PLCL1: variants seen among roughly 807,000 people sequenced by gnomAD.
PLCL1 encodes the protein inactive phospholipase C-like protein 1.
Under a neutral mutation model 84.4 loss-of-function variants are expected in PLCL1, and 41 were observed. The observed-to-expected ratio is 0.49, with a 90% confidence interval of 0.38 to 0.63. The LOEUF is 0.63. Ranked by LOEUF, PLCL1 falls within the 30% of genes least tolerant of loss-of-function variation. The pLI, the probability that PLCL1 is intolerant of heterozygous loss-of-function variation, is 0.00. For synonymous variants in PLCL1, 490 were observed against 488.3 expected, an observed-to-expected ratio of 1.00 and a Z score of -0.05; for missense variants, 1,206 against 1,367.8, an observed-to-expected ratio of 0.88 and a Z score of 1.87.
intron 2 of PLCL1, 53 bp from the exon 3 acceptor site, chr2:198,088,805 G>A (rs1692947464): frequency 2.6e-5 from 26 of 1,001,376 alleles, no homozygotes; most frequent in Non-Finnish European, 4.2e-5. Flanking sequence ...GGGAGTGCTG[G>A]CGGTGATGTG....
intron 1 of PLCL1, among the ~76,000 whole-genome samples, chr2:197,864,996 G>C (rs1687502881): frequency 6.6e-6 from 1 of 152,070 alleles, no homozygotes; most frequent in African/African-American, 2.4e-5. Flanking sequence ...AGTTGCTTTT[G>C]AGCCCACTGC....
intron 1 of PLCL1, among the ~76,000 whole-genome samples, chr2:198,050,455 CAAAG>C (rs1691900296): frequency 1.3e-5 from 2 of 151,706 alleles, no homozygotes; most frequent in African/African-American, 2.4e-5. Flanking sequence ...AGGGAAAAGA[CAAAG>C]AAGATATCAT....
At chr2:197,866,474 A>G (rs549733406) in intron 1 of PLCL1, among the ~76,000 whole-genome samples, 1 of 152,172 alleles carries the variant, frequency 6.6e-6, no homozygotes, top group South Asian at 2.1e-4. Flanking sequence ...ATGCTACCAG[A>G]GCCAACCCTT....
chr2:198,129,510 A>G (rs900909516), intron 5 of PLCL1, among the ~76,000 whole-genome samples: 2 of 152,086 alleles, frequency 1.3e-5, no homozygotes, highest in Non-Finnish European at 2.9e-5. Flanking sequence ...CCAAACCATG[A>G]TTGATGTCTT....
Position 197,804,867 on chromosome 2 carries a change from C to G in PLCL1, c.-233C>G. On this transcript the variant is annotated 5_prime_UTR_variant, in exon 1 of 6. Transcript: ENST00000428675. Reference sequence around the variant, plus strand: ...CGCCTCCCCACTCCCGCCACCGTCCCCCGCCGGACTGCTAGCCTCCTAGAC... The same window carrying G: ...CGCCTCCCCACTCCCGCCACCGTCCGCCGCCGGACTGCTAGCCTCCTAGAC... 1 of 415,618 alleles carries G rather than the reference C, an allele frequency of 2.4e-6. No individual in the cohort carries two copies. Among genetic ancestry groups the G allele is most frequent in the Non-Finnish European group, 4.2e-6 (1 of 236,270 alleles). 25.7% of individuals were successfully genotyped at this position (415,618 alleles called of 1,614,324 possible).
intron 1 of PLCL1, among the ~76,000 whole-genome samples, chr2:197,874,242 T>C (rs1687697202): frequency 6.6e-6 from 1 of 152,176 alleles, no homozygotes; most frequent in Non-Finnish European, 1.5e-5. Flanking sequence ...AACTTACTGA[T>C]ATAAATTCTA....
At chr2:197,942,111 C>T (rs1328870962) in intron 1 of PLCL1, among the ~76,000 whole-genome samples, 1 of 152,112 alleles carries the variant, frequency 6.6e-6, no homozygotes, top group Non-Finnish European at 1.5e-5. Flanking sequence ...CTGGTATTTA[C>T]CTCCTCATGT....
intron 1 of PLCL1, among the ~76,000 whole-genome samples, chr2:198,024,270 A>G (rs1691209635): frequency 6.6e-6 from 1 of 152,230 alleles, no homozygotes; most frequent in East Asian, 1.9e-4. Context: ...AAGGGGAGGG[A>G]TAGCATTAGG....
chr2:198,090,003 A>G (rs996178573), intron 3 of PLCL1, among the ~76,000 whole-genome samples: 1 of 152,194 alleles, frequency 6.6e-6, no homozygotes, highest in Non-Finnish European at 1.5e-5. Context: ...ATAAATTGAT[A>G]TAGTATTTCT....
intron 1 of PLCL1, among the ~76,000 whole-genome samples, chr2:197,997,883 ATATT>A (rs1559069057): frequency 6.6e-6 from 1 of 152,186 alleles, no homozygotes; most frequent in African/African-American, 2.4e-5. Flanking sequence ...ATTCAATTCT[ATATT>A]TAATGTTTCA....
intron 1 of PLCL1, among the ~76,000 whole-genome samples, chr2:197,844,660 A>G (rs1416759469): frequency 6.6e-6 from 1 of 152,120 alleles, no homozygotes; most frequent in Non-Finnish European, 1.5e-5. Flanking sequence ...GATTTCTAAT[A>G]TGAGCTCTAA....
At chr2:198,111,210 A>ATG (rs1326280423) in intron 5 of PLCL1, among the ~76,000 whole-genome samples, 4 of 151,852 alleles carry the variant, frequency 2.6e-5, no homozygotes, top group Non-Finnish European at 2.9e-5. Flanking sequence ...CTTGTACTAC[A>ATG]TGTCCATCAC....
chr2:198,141,174 A>C (rs1694376990), intron 5 of PLCL1, among the ~76,000 whole-genome samples: 1 of 152,164 alleles, frequency 6.6e-6, no homozygotes, highest in Non-Finnish European at 1.5e-5. Flanking sequence ...ATGGAGTAAA[A>C]ATTTAACTTT....
intron 5 of PLCL1, among the ~76,000 whole-genome samples, chr2:198,111,481 A>G (rs960692301): frequency 5.3e-5 from 8 of 151,928 alleles, no homozygotes; most frequent in Non-Finnish European, 1.0e-4. Flanking sequence ...AAGTTCTTCA[A>G]CTACCCCTTA....
chr2:198,122,814 T>C (rs1693898621), intron 5 of PLCL1, among the ~76,000 whole-genome samples: 1 of 152,144 alleles, frequency 6.6e-6, no homozygotes, highest in Admixed American at 6.5e-5. Flanking sequence ...AGTTATAAAA[T>C]ATGTATTCTC....
At chr2:198,088,692 A>T (rs1324546685) in intron 2 of PLCL1, among the ~76,000 whole-genome samples, 166 bp from the exon 3 acceptor site, 1 of 152,170 alleles carries the variant, frequency 6.6e-6, no homozygotes, top group African/African-American at 2.4e-5. Flanking sequence ...CTTTGCTTTC[A>T]TGGGTTGTTT....
At chr2:197,869,071 T>A (rs1217099417) in intron 1 of PLCL1, among the ~76,000 whole-genome samples, 1 of 152,106 alleles carries the variant, frequency 6.6e-6, no homozygotes, top group African/African-American at 2.4e-5. Context: ...TTTACCAGAG[T>A]CCTCTCTAGC....
At chr2:197,811,515 A>G (rs1559012658) in intron 1 of PLCL1, among the ~76,000 whole-genome samples, 1 of 152,234 alleles carries the variant, frequency 6.6e-6, no homozygotes, top group Non-Finnish European at 1.5e-5. Flanking sequence ...GAAAAGAAGC[A>G]TTGTTTACAT....
At chr2:197,887,930 CCT>C (rs1420527504) in intron 1 of PLCL1, among the ~76,000 whole-genome samples, 1 of 151,686 alleles carries the variant, frequency 6.6e-6, no homozygotes, top group African/African-American at 2.4e-5. Context: ...ATAGTGAGAC[CCT>C]GTCTCTACCA....
Sources: allele counts gnomAD v4.1 joint callset (sites outside exome capture counted in the v4.1 genomes callset), GRCh38; gene constraint gnomAD v4.1.1; transcripts MANE v1.5; gene names NCBI Gene and HGNC (gene_info 2026-07-23, HGNC 2026-07-21).